ZNF69: variants seen among roughly 807,000 people sequenced by gnomAD.
The protein encoded by ZNF69 is ZNF3.
A neutral mutation model predicts 50.9 loss-of-function variants in ZNF69; 47 were observed. That is an observed-to-expected ratio of 0.92 (90% confidence interval 0.73 to 1.18). The LOEUF (loss-of-function observed/expected upper bound fraction) is 1.18, where lower values mean the gene tolerates loss of function less well. Among genes scored for constraint, ZNF69 ranks in the 50% most tolerant of loss-of-function variants. The pLI, the probability that ZNF69 is intolerant of heterozygous loss-of-function variation, is 0.00. For synonymous variants in ZNF69, 216 were observed against 223.1 expected (o/e 0.97, Z 0.29); for missense variants, 717 against 675.1 (o/e 1.06, Z -0.69).
At chr19:11,903,261 T>C (rs1972285279) in intron 1 of ZNF69, among the ~76,000 whole-genome samples, 1 of 151,736 alleles carries the variant, frequency 6.6e-6, no homozygotes, top group African/African-American at 2.4e-5. Flanking sequence ...CCGTCTCCAC[T>C]AAAAATACAA....
At chr19:11,907,401 A>G (rs1972394686), downstream of ZNF69, among the ~76,000 whole-genome samples, 1 of 152,228 alleles carries the variant, frequency 6.6e-6, no homozygotes, top group African/African-American at 2.4e-5. Flanking sequence ...AATGAAGGAA[A>G]AAATGTTAAG....
the ZNF69 span, among the ~76,000 whole-genome samples, chr19:11,931,867 A>G: frequency 1.4e-5 from 2 of 148,138 alleles, no homozygotes; most frequent in Admixed American, 1.3e-4. Context: ...TATAATCCCA[A>G]CACTTTAGGA....
intron 1 of ZNF69, among the ~76,000 whole-genome samples, chr19:11,896,003 C>T (rs549692884): frequency 7.9e-5 from 12 of 151,882 alleles, no homozygotes; most frequent in South Asian, 2.1e-4. Flanking sequence ...GCGGAACACC[C>T]GAGGTCAGGA....
the ZNF69 span, among the ~76,000 whole-genome samples, chr19:11,957,383 C>T: frequency 3.3e-5 from 5 of 151,830 alleles, no homozygotes; most frequent in Non-Finnish European, 7.4e-5. Context: ...CGTGAGCCAC[C>T]GTGCTCAGCC....
At chr19:11,911,930 T>C (rs1393193169) in intron 4 of ZNF69, among the ~76,000 whole-genome samples, 1 of 151,944 alleles carries the variant, frequency 6.6e-6, no homozygotes, top group African/African-American at 2.4e-5. Flanking sequence ...AATCTTACAC[T>C]GGAGAGAAAC....
chr19:11,898,426 T>C (rs1189796288), intron 1 of ZNF69, among the ~76,000 whole-genome samples: 1 of 144,408 alleles, frequency 6.9e-6, no homozygotes, highest in Non-Finnish European at 1.5e-5. Context: ...AATCTCGCTC[T>C]GTTGCCCAGG....
the ZNF69 span, among the ~76,000 whole-genome samples, chr19:11,932,123 C>CA: frequency 8.7e-3 from 1,100 of 126,260 alleles, 129 homozygotes; most frequent in African/African-American, 0.031. Flanking sequence ...AACTTTGTCT[C>CA]AAAAAAAAAA....
rs567115350 is a variant in ZNF69 at position 11,901,333 on chromosome 19, G to A, written c.64-2240G>A. 2.0e-4 allele frequency among the ~76,000 whole-genome samples: 30 copies of A among 152,138 alleles called. 1 individual carries two copies. The South Asian group carries it at 5.0e-3, about 25-fold the overall frequency. Reference sequence around the variant, plus strand: ...TTTATGCTGGAGGTTGCACTTTTTTGAATTGCCGACGTGTGAAAAATCAGA... The same window carrying A: ...TTTATGCTGGAGGTTGCACTTTTTTAAATTGCCGACGTGTGAAAAATCAGA... On this transcript the variant is annotated intron_variant, in intron 1 of 3. Coordinates refer to ENST00000429654, the MANE Select transcript of ZNF69 (RefSeq NM_001364730.1).
chr19:11,908,021 C>T (rs1972404968), downstream of ZNF69, among the ~76,000 whole-genome samples: 1 of 152,258 alleles, frequency 6.6e-6, no homozygotes, highest in South Asian at 2.1e-4. Flanking sequence ...GCAGGGGTTG[C>T]AATCCTAGTC....
At chr19:11,948,827 A>G in the ZNF69 span, 3 of 1,609,482 alleles carry the variant, frequency 1.9e-6, no homozygotes, top group African/African-American at 4.0e-5. Flanking sequence ...CTTCAAATAC[A>G]TGAAAGAACT....
chr19:11,895,813 A>G (rs1341800705), intron 1 of ZNF69, among the ~76,000 whole-genome samples: 1 of 152,244 alleles, frequency 6.6e-6, no homozygotes, highest in Non-Finnish European at 1.5e-5. Flanking sequence ...GATGGGTAGT[A>G]AACTGATTAT....
the ZNF69 span, among the ~76,000 whole-genome samples, chr19:11,974,155 TTTCCTTCC>T: frequency 6.9e-5 from 8 of 115,740 alleles, no homozygotes; most frequent in African/African-American, 1.4e-4. Context: ...TCTTTCTTTC[TTTCCTTCC>T]TTCCTTCCTT....
chr19:11,888,482 A>G (rs1333442292), intron 1 of ZNF69, among the ~76,000 whole-genome samples: 1 of 152,236 alleles, frequency 6.6e-6, no homozygotes, highest in Non-Finnish European at 1.5e-5. Context: ...AAGCCAAACT[A>G]TGTAAAATAA....
At chr19:11,936,214 T>G in the ZNF69 span, among the ~76,000 whole-genome samples, 18 of 152,224 alleles carry the variant, frequency 1.2e-4, no homozygotes, top group Admixed American at 2.0e-4. Flanking sequence ...GTAGTGGGAT[T>G]GCTGGGTCAA....
chr19:11,909,765 C>G (rs1210669502), downstream of ZNF69, among the ~76,000 whole-genome samples: 1 of 151,810 alleles, frequency 6.6e-6, no homozygotes. Flanking sequence ...TGGCACAAGA[C>G]AGGGATGCCC....
the ZNF69 span, chr19:11,977,578 A>G: frequency 9.1e-7 from 1 of 1,094,030 alleles, no homozygotes; most frequent in Non-Finnish European, 1.3e-6. Context: ...TTTACATGTG[A>G]CTAAGTCTGA....
At chr19:11,936,401 C>T in the ZNF69 span, among the ~76,000 whole-genome samples, 2 of 152,202 alleles carry the variant, frequency 1.3e-5, no homozygotes, top group Non-Finnish European at 2.9e-5. Flanking sequence ...GAGATGGTAT[C>T]TCATTGTGGT....
the ZNF69 span, among the ~76,000 whole-genome samples, chr19:11,961,928 C>A: frequency 8.2e-6 from 1 of 121,698 alleles, no homozygotes; most frequent in East Asian, 2.0e-4. Flanking sequence ...CTTTTACACA[C>A]ACACACACAC....
chr19:11,913,996 G>A (rs190357965), exon 5 of ZNF69: 3 of 152,276 alleles, frequency 2.0e-5, no homozygotes, highest in East Asian at 1.9e-4. Flanking sequence ...GAGGAGCATC[G>A]TCTCATATGC....
Sources: allele counts gnomAD v4.1 joint callset (sites outside exome capture counted in the v4.1 genomes callset), GRCh38; gene constraint gnomAD v4.1.1; transcripts MANE v1.5; gene names NCBI Gene and HGNC (gene_info 2026-07-23, HGNC 2026-07-21).